Variants in MYO3A observed in about 807,000 individuals in gnomAD.
MYO3A encodes the protein myosin-IIIa.
Under a neutral mutation model 192.7 loss-of-function variants are expected in MYO3A, and 180 were observed. The observed-to-expected ratio is 0.93, with a 90% confidence interval of 0.83 to 1.06. The LOEUF is 1.06. MYO3A is among the 50% of genes least tolerant of loss of function. The pLI, the probability that MYO3A is intolerant of heterozygous loss-of-function variation, is 0.00. For missense variants in MYO3A, 1,896 were observed against 1,905.0 expected, an observed-to-expected ratio of 1.00 and a Z score of 0.09; for synonymous variants, 628 against 645.3, an observed-to-expected ratio of 0.97 and a Z score of 0.41.
At chr10:26,151,219 G>A (rs1474147945) in intron 23 of MYO3A, among the ~76,000 whole-genome samples, 1 of 152,050 alleles carries the variant, frequency 6.6e-6, no homozygotes, top group East Asian at 1.9e-4. Context: ...CACATCTTCT[G>A]TATTCTTACT....
rs113566059 is a variant in MYO3A, at chr10:26,118,161, T to C, written c.1777-2515T>C. On this transcript the variant is annotated intron_variant, in intron 17 of 34. Coordinates refer to ENST00000642920, the MANE Select transcript of MYO3A (RefSeq NM_017433.5). ...TCTTCTTTTGAGAAGTGTCTGTTTA[T>C]ATCCTTTGCCCACTTTTTAATAGGG... 4.6e-3 allele frequency among the ~76,000 whole-genome samples: 695 copies of C among 152,296 alleles called. 8 individuals carry two copies. The highest frequency in any genetic ancestry group is 0.015 in the African/African-American group (640 of 41,560).
chr10:25,958,305 A>T (rs1837693448), intron 4 of MYO3A, among the ~76,000 whole-genome samples: 1 of 152,230 alleles, frequency 6.6e-6, no homozygotes, highest in South Asian at 2.1e-4. Context: ...AATCTTCTGC[A>T]TATGGTTAGC....
At chr10:26,117,590 A>G (rs566094576) in intron 17 of MYO3A, among the ~76,000 whole-genome samples, 2 of 152,244 alleles carry the variant, frequency 1.3e-5, no homozygotes, top group East Asian at 1.9e-4. Context: ...GAGAATATGC[A>G]GTATTTGGTT....
chr10:26,059,653 A>G (rs1440979480), intron 10 of MYO3A, among the ~76,000 whole-genome samples: 1 of 152,208 alleles, frequency 6.6e-6, no homozygotes, highest in African/African-American at 2.4e-5. Flanking sequence ...TCCACTTTAT[A>G]TATTACTTTA....
chr10:25,956,984 T>G (rs1194907069), intron 4 of MYO3A, among the ~76,000 whole-genome samples: 1 of 152,210 alleles, frequency 6.6e-6, no homozygotes, highest in Non-Finnish European at 1.5e-5. Flanking sequence ...ATGTGACATT[T>G]GATTTTCTCT....
In MYO3A at chr10:26,088,389, G is replaced by A; in HGVS notation, c.1546G>A (p.Val516Ile). The part of the protein sequence containing the change: ...ISEYLLEKSR[V>I]IHQAIGEKNF... The stretch of plus-strand genomic sequence containing the variant: ...TGAATATCTCCTGGAAAAATCCCGA[G>A]TTATCCACCAAGCTATGTAAGTTTA... The change falls in exon 15 of 35, where the codon GTT becomes ATT. Residue 516 changes from valine to isoleucine, a missense_variant. Physicochemically the swap from Val to Ile is conservative, Grantham distance 29 (BLOSUM62 3). Coordinates refer to ENST00000642920, the MANE Select transcript of MYO3A (RefSeq NM_017433.5). 3 of 1,613,540 alleles carry A rather than the reference G, an allele frequency of 1.9e-6. No individual in the cohort carries two copies. The highest frequency in any genetic ancestry group is 1.7e-6 in the Non-Finnish European group (2 of 1,179,582).
chr10:25,963,686 C>G (rs12245940), intron 4 of MYO3A, among the ~76,000 whole-genome samples: 13,995 of 152,106 alleles, frequency 0.092, 1,129 homozygotes, highest in African/African-American at 0.21. Flanking sequence ...GTTCTTAAGG[C>G]TGGAACCACC....
At chr10:25,952,450 T>G (rs1389347728) in intron 3 of MYO3A, among the ~76,000 whole-genome samples, 172 bp downstream of exon 3, 1 of 152,196 alleles carries the variant, frequency 6.6e-6, no homozygotes, top group Non-Finnish European at 1.5e-5. Context: ...ATTTCTGTGC[T>G]TAGTATATGT....
chr10:25,938,983 A>G lies in MYO3A; in HGVS notation c.-18+3153A>G, dbSNP rs368183024. On this transcript the variant is annotated intron_variant, in intron 2 of 34. Coordinates refer to ENST00000642920, the MANE Select transcript of MYO3A (RefSeq NM_017433.5). ...TGAGATACAGAACTTGGAGAGAATG[A>G]TTTTTTTGTTTAACTTATGTACTCT... Among the ~76,000 whole-genome samples, 8 of 152,170 alleles carry G rather than the reference A, an allele frequency of 5.3e-5. No homozygotes were observed. The South Asian group carries it at 1.7e-3, about 32-fold the overall frequency.
At chr10:26,051,626 A>G (rs74126361) in intron 10 of MYO3A, among the ~76,000 whole-genome samples, 14,221 of 148,568 alleles carry the variant, frequency 0.096, 773 homozygotes, top group Non-Finnish European at 0.12. Flanking sequence ...ATATAAATAT[A>G]TATTTAAAAT....
chr10:26,187,225 G>A (rs904746748), intron 31 of MYO3A, among the ~76,000 whole-genome samples: 4 of 151,608 alleles, frequency 2.6e-5, no homozygotes, highest in African/African-American at 7.3e-5. Context: ...TAGAGACTTC[G>A]AGTTCCACTA....
chr10:26,111,465 C>T (rs1343139551), intron 17 of MYO3A, among the ~76,000 whole-genome samples: 2 of 152,184 alleles, frequency 1.3e-5, no homozygotes, highest in African/African-American at 4.8e-5. Flanking sequence ...CTACCCTTTC[C>T]TAGGCATGAC....
At chr10:26,104,814 A>G (rs983017761) in intron 17 of MYO3A, among the ~76,000 whole-genome samples, 1 of 151,906 alleles carries the variant, frequency 6.6e-6, no homozygotes, top group Non-Finnish European at 1.5e-5. Context: ...GGATGTATAC[A>G]TAGTCCAATA....
At chr10:25,935,202 G>C (rs1835974601) in intron 1 of MYO3A, among the ~76,000 whole-genome samples, 2 of 152,206 alleles carry the variant, frequency 1.3e-5, no homozygotes, top group African/African-American at 2.4e-5. Flanking sequence ...AGAAAAGTAT[G>C]ATCATTATTG....
At chr10:26,005,248 T>C (rs1204148762) in intron 6 of MYO3A, among the ~76,000 whole-genome samples, 1 of 151,816 alleles carries the variant, frequency 6.6e-6, no homozygotes, top group Admixed American at 6.6e-5. Flanking sequence ...AAAAATAAAA[T>C]CGTGAGGGAA....
chr10:26,143,652 C>G lies in MYO3A; in HGVS notation c.2416+51C>G, dbSNP rs1049235989. 1.9e-6 allele frequency: 3 copies of G among 1,593,308 alleles called. No homozygotes were observed. The African/African-American group carries it at 4.0e-5, about 21-fold the overall frequency. On this transcript the variant is annotated intron_variant, in intron 21 of 34. Transcript: ENST00000642920. The stretch of plus-strand genomic sequence containing the variant: ...CATGGTTTTATGAATAGAGTCTTGT[C>G]ATTCTGAATGATTTTTTAAATGGCT...
intron 14 of MYO3A, among the ~76,000 whole-genome samples, chr10:26,087,197 C>T (rs1393330237): frequency 6.6e-6 from 1 of 152,182 alleles, no homozygotes; most frequent in Non-Finnish European, 1.5e-5. Flanking sequence ...GGTGCAAGGC[C>T]AGCCCAAAGC....
In MYO3A at chr10:26,016,856, G is replaced by A. The variant is rs1235088736; in HGVS notation, c.545G>A (p.Arg182Gln). 14 of 1,614,020 alleles carry A rather than the reference G, an allele frequency of 8.7e-6. No individual in the cohort carries two copies. Among genetic ancestry groups the A allele is most frequent in the African/African-American group, 1.3e-5 (1 of 74,912 alleles). Residue 182 changes from arginine to glutamine, a missense_variant, in exon 7 of 35, where the codon CGG (arginine) becomes CAG (glutamine). Transcript: ENST00000642920. ...CAGCTCACCAGTACCCGGCACCGTC[G>A]GAACACATCCGTAGGAACACCGTTT... ...SAQLTSTRHR[R>Q]NTSVGTPFWM... is the part of the protein sequence containing the mutation.
chr10:26,052,253 T>C (rs1844048271), intron 10 of MYO3A, among the ~76,000 whole-genome samples: 1 of 152,172 alleles, frequency 6.6e-6, no homozygotes, highest in African/African-American at 2.4e-5. Context: ...CTTTCCAACA[T>C]TGCTACAAAT....
Sources: gnomAD v4.1 joint callset for allele counts (sites outside exome capture counted in the v4.1 genomes callset) on GRCh38, gnomAD v4.1.1 for gene constraint, MANE v1.5 for transcripts, NCBI Gene and HGNC (gene_info 2026-07-23, HGNC 2026-07-21) for gene names.